The following MDGA2 variants were observed in gnomAD, a reference collection of about 807,000 sequenced individuals.
MDGA2 encodes the protein MAM domain containing glycosylphosphatidylinositol anchor 2.
In MDGA2, 40 loss-of-function variants were observed where a neutral mutation model predicts 117.8. That is an observed-to-expected ratio of 0.34 (90% CI 0.26 to 0.44). The LOEUF (loss-of-function observed/expected upper bound fraction) is 0.44. Ranked by LOEUF, MDGA2 falls within the 20% of genes least tolerant of loss-of-function variation. MDGA2 has a pLI of 1.00. For synonymous variants in MDGA2, 452 were observed against 439.0 expected, an observed-to-expected ratio of 1.03 and a Z score of -0.37; for missense variants, 1,123 against 1,250.6, an observed-to-expected ratio of 0.90 and a Z score of 1.54.
intron 8 of MDGA2, among the ~76,000 whole-genome samples, chr14:46,998,828 C>T (rs982033270): frequency 6.6e-6 from 1 of 151,988 alleles, no homozygotes; most frequent in Non-Finnish European, 1.5e-5. Flanking sequence ...ATTCAAGGTA[C>T]TTACAAATTG....
chr14:47,419,454 A>G (rs2138503712), intron 1 of MDGA2, among the ~76,000 whole-genome samples: 1 of 152,300 alleles, frequency 6.6e-6, no homozygotes, highest in East Asian at 1.9e-4. Flanking sequence ...TCAAGTAATC[A>G]TGAGAAAAAT....
At chr14:47,424,587 GTTATTC>G (rs901583516) in intron 1 of MDGA2, among the ~76,000 whole-genome samples, 2 of 152,080 alleles carry the variant, frequency 1.3e-5, no homozygotes, top group African/African-American at 4.8e-5. Flanking sequence ...TATGAGGATG[GTTATTC>G]TGATTATTAC....
chr14:46,973,331 T>C (rs1318113240), intron 8 of MDGA2, among the ~76,000 whole-genome samples: 1 of 152,182 alleles, frequency 6.6e-6, no homozygotes, highest in African/African-American at 2.4e-5. Context: ...GCAGTTAAGT[T>C]CAGCTGGTAA....
At chr14:46,992,214 A>G (rs1467540484) in intron 8 of MDGA2, among the ~76,000 whole-genome samples, 1 of 152,184 alleles carries the variant, frequency 6.6e-6, no homozygotes, top group Non-Finnish European at 1.5e-5. Context: ...AAAGAAAGAA[A>G]CGAGTGATAA....
At chr14:47,109,289 T>C (rs756624279) in intron 5 of MDGA2, among the ~76,000 whole-genome samples, 10 of 152,230 alleles carry the variant, frequency 6.6e-5, no homozygotes, top group Non-Finnish European at 1.3e-4. Flanking sequence ...TTCCAGTGCT[T>C]GTCCACTCAT....
At chr14:47,248,325 A>G (rs1423763533) in intron 2 of MDGA2, among the ~76,000 whole-genome samples, 1 of 151,728 alleles carries the variant, frequency 6.6e-6, no homozygotes. Flanking sequence ...ATAGAAAATT[A>G]TAACATAAAA....
At chr14:47,642,611 G>A (rs1305777243) in intron 1 of MDGA2, among the ~76,000 whole-genome samples, 1 of 151,886 alleles carries the variant, frequency 6.6e-6, no homozygotes, top group Admixed American at 6.6e-5. Context: ...ATATTATATA[G>A]AAGTACTAGA....
At chr14:47,268,322 G>A (rs1019850912) in intron 2 of MDGA2, among the ~76,000 whole-genome samples, 1 of 151,954 alleles carries the variant, frequency 6.6e-6, no homozygotes, top group Admixed American at 6.6e-5. Flanking sequence ...TGATCCACCC[G>A]CCTCGGCCTC....
At chr14:47,612,284 T>C (rs1397109023) in intron 1 of MDGA2, among the ~76,000 whole-genome samples, 1 of 152,086 alleles carries the variant, frequency 6.6e-6, no homozygotes, top group Non-Finnish European at 1.5e-5. Context: ...ATTGCTGTCA[T>C]CTGGCATAAA....
intron 1 of MDGA2, among the ~76,000 whole-genome samples, chr14:47,335,739 T>G: frequency 3.6e-5 from 1 of 28,064 alleles, no homozygotes; most frequent in Non-Finnish European, 8.2e-5. Flanking sequence ...ATATTTTATA[T>G]ATATATATAC....
intron 1 of MDGA2, among the ~76,000 whole-genome samples, chr14:47,385,637 C>A (rs1476958581): frequency 6.6e-6 from 1 of 152,102 alleles, no homozygotes; most frequent in Non-Finnish European, 1.5e-5. Flanking sequence ...TCAATGATCC[C>A]TCTTTCCATC....
intron 9 of MDGA2, among the ~76,000 whole-genome samples, chr14:46,920,374 G>T (rs1168084467): frequency 1.3e-5 from 2 of 152,178 alleles, no homozygotes; most frequent in East Asian, 3.9e-4. Context: ...AAAGCATTTG[G>T]CCTAAGTGAT....
intron 1 of MDGA2, among the ~76,000 whole-genome samples, chr14:47,531,094 A>C (rs1039322655): frequency 1.3e-5 from 2 of 152,050 alleles, no homozygotes; most frequent in Admixed American, 6.6e-5. Context: ...AAATACAAAA[A>C]GTTAGCCAGG....
chr14:47,005,586 T>C (rs1225300326), intron 8 of MDGA2, among the ~76,000 whole-genome samples: 1 of 151,618 alleles, frequency 6.6e-6, no homozygotes. Context: ...CATTCTTGTA[T>C]GGTTATTTAC....
intron 1 of MDGA2, among the ~76,000 whole-genome samples, chr14:47,322,461 C>G (rs1039042131): frequency 6.6e-6 from 1 of 151,920 alleles, no homozygotes; most frequent in African/African-American, 2.4e-5. Flanking sequence ...AATAAGGAAG[C>G]CTAAAAAATA....
chr14:47,602,086 T>C (rs1297469194), intron 1 of MDGA2, among the ~76,000 whole-genome samples: 1 of 152,180 alleles, frequency 6.6e-6, no homozygotes, highest in Non-Finnish European at 1.5e-5. Context: ...AGAAAGCTCC[T>C]CTCGGGACTG....
intron 1 of MDGA2, among the ~76,000 whole-genome samples, chr14:47,352,804 GCTTTA>G (rs1890913115): frequency 6.6e-6 from 1 of 152,212 alleles, no homozygotes; most frequent in East Asian, 1.9e-4. Context: ...GAGGGGACAT[GCTTTA>G]CTTTACAATG....
chr14:47,070,609 A>T (rs1475519649), intron 6 of MDGA2, among the ~76,000 whole-genome samples: 1 of 151,662 alleles, frequency 6.6e-6, no homozygotes, highest in African/African-American at 2.4e-5. Context: ...TTATTATTTT[A>T]TTTATTTATT....
In MDGA2 at chr14:47,488,386, T is replaced by C. The variant is rs1000809771; in HGVS notation, c.280+186131A>G. 8.6e-4 allele frequency among the ~76,000 whole-genome samples: 131 copies of C among 152,138 alleles called. 3 individuals carry two copies. Among genetic ancestry groups the C allele is most frequent in the Non-Finnish European group, 3.2e-4 (22 of 67,984 alleles). On this transcript the variant is annotated intron_variant, in intron 1 of 16. Transcript: ENST00000399232. ...TGTTCATGCACCAGATTCAGGGAAA[T>C]TATTATACTCTTTGACATCCCACCT...
Sources: allele counts gnomAD v4.1 joint callset (sites outside exome capture counted in the v4.1 genomes callset), GRCh38; gene constraint gnomAD v4.1.1; transcripts MANE v1.5; gene names NCBI Gene and HGNC (gene_info 2026-07-23, HGNC 2026-07-21).